ZC3H12C: variants seen among roughly 807,000 people sequenced by gnomAD.
ZC3H12C encodes probable ribonuclease ZC3H12C.
A neutral mutation model predicts 76.3 loss-of-function variants in ZC3H12C; 20 were observed. The observed-to-expected ratio is 0.26, with a 90% confidence interval of 0.18 to 0.38. The LOEUF is 0.38. Ranked by LOEUF, ZC3H12C falls within the 10% of genes least tolerant of loss-of-function variation. The pLI is 1.00. For synonymous variants in ZC3H12C, 352 were observed against 399.6 expected, an observed-to-expected ratio of 0.88 and a Z score of 1.42; for missense variants, 874 against 1,086.5, an observed-to-expected ratio of 0.80 and a Z score of 2.75.
intron 1 of ZC3H12C, among the ~76,000 whole-genome samples, chr11:110,105,102 T>C (rs17110728): frequency 0.032 from 4,932 of 152,302 alleles, 157 homozygotes; most frequent in East Asian, 0.087. Flanking sequence ...TTTATCCTTA[T>C]TCCGTGATTT....
chr11:110,111,056 G>A (rs1052918897), intron 1 of ZC3H12C, among the ~76,000 whole-genome samples: 9 of 152,122 alleles, frequency 5.9e-5, no homozygotes, highest in Non-Finnish European at 1.3e-4. Context: ...AGATCATCCC[G>A]TGCTGTGATA....
intron 1 of ZC3H12C, chr11:110,123,978 A>G (rs1230756322): frequency 6.6e-6 from 1 of 152,358 alleles, no homozygotes; most frequent in Non-Finnish European, 1.5e-5. Flanking sequence ...CTGGAGGGCA[A>G]AGCACCCAAG....
At position 110,157,680 on chromosome 11, in the gene ZC3H12C, C is replaced by T. The variant is rs563658192; in HGVS notation, c.914-1576C>T. Among the ~76,000 whole-genome samples the T allele has an allele frequency of 1.8e-4, 27 of 152,252 alleles. 1 individual carries two copies. The highest frequency in any genetic ancestry group is 6.5e-4 in the African/African-American group (27 of 41,548). ...TGAACTCCTGAGCTCAAGCAATCTG[C>T]CTGCCTCAGCCTCCCAAATGTCTGG... On this transcript the variant is annotated intron_variant, in intron 3 of 5. Coordinates refer to ENST00000278590, the MANE Select transcript of ZC3H12C (RefSeq NM_033390.2).
rs755530515 is a variant in ZC3H12C at position 110,164,667 on chromosome 11, TCTA to T, written c.1585_1587del (p.Thr529del). ...TTCCTTAGTTAGCATCCCAGCTACT[TCTA>T]CTGCAAAACCCCAAAGCACTACATC... On this transcript the variant is annotated inframe_deletion, in exon 6 of 6. Transcript: ENST00000278590. This position sits in a 1 kb window ranked among gnomAD's most constrained non-coding sequence, Gnocchi z 5.7. 3.1e-6 allele frequency: 5 copies of T among 1,613,870 alleles called. No homozygotes were observed. The South Asian group carries it at 5.5e-5, about 18-fold the overall frequency.
chr11:110,132,231 AT>A (rs67475397), intron 1 of ZC3H12C, among the ~76,000 whole-genome samples: 6,579 of 149,292 alleles, frequency 0.044, 250 homozygotes, highest in East Asian at 0.1. Context: ...TAGAAAAAAG[AT>A]TTTTTTTTTT....
At chr11:110,159,965 C>G (rs561644471) in intron 4 of ZC3H12C, among the ~76,000 whole-genome samples, 4 of 152,360 alleles carry the variant, frequency 2.6e-5, no homozygotes, top group African/African-American at 9.6e-5. Flanking sequence ...CTGGAACAGC[C>G]TACTACACGC....
In ZC3H12C at chr11:110,137,080, A is replaced by C; in HGVS notation, c.439A>C (p.Thr147Pro). The C allele has an allele frequency of 6.2e-7, 1 of 1,613,914 alleles. No individual in the cohort carries two copies. Residue 147 changes from threonine to proline, a missense_variant, in exon 2 of 6, where the codon ACT (threonine) becomes CCT (proline). Transcript: ENST00000278590. ...AGACTTTAAACCTGAAGAGTCCCAG[A>C]CTACATCCAAGGAAGCAAAGAAACC... ...LQDFKPEESQ[T>P]TSKEAKKPPD...
At chr11:110,148,148 G>A (rs1011438507) in intron 2 of ZC3H12C, among the ~76,000 whole-genome samples, 1 of 152,214 alleles carries the variant, frequency 6.6e-6, no homozygotes, top group Non-Finnish European at 1.5e-5. Context: ...TTCATTCTTT[G>A]TGGCTGCCCA....
chr11:110,145,608 G>T (rs574801771), intron 2 of ZC3H12C, among the ~76,000 whole-genome samples: 2 of 149,928 alleles, frequency 1.3e-5, no homozygotes, highest in African/African-American at 4.9e-5. Context: ...TGGGGGCGGG[G>T]GGGAGTTGCA....
intron 1 of ZC3H12C, among the ~76,000 whole-genome samples, chr11:110,101,358 T>A (rs7113826): frequency 6.6e-6 from 1 of 151,980 alleles, no homozygotes; most frequent in Non-Finnish European, 1.5e-5. Context: ...TTCTATAGAC[T>A]AAACAGCTTT....
At position 110,156,053 on chromosome 11, in the gene ZC3H12C, A is replaced by T. The variant is rs565075076; in HGVS notation, c.913+2995A>T. Among the ~76,000 whole-genome samples the T allele has an allele frequency of 2.6e-5, 4 of 152,290 alleles. No homozygotes were observed. In the East Asian group the frequency reaches 7.7e-4, roughly 29 times the overall value. On this transcript the variant is annotated intron_variant, in intron 3 of 5. Transcript: ENST00000278590. ...TTAGTTTTAAAAATACCAGCATGCCAGTCCCTGGAACACATCAGTATGCAG... is the reference window on the plus strand; with the variant it reads ...TTAGTTTTAAAAATACCAGCATGCCTGTCCCTGGAACACATCAGTATGCAG...
chr11:110,097,065 G>T (rs1591453489), intron 1 of ZC3H12C, among the ~76,000 whole-genome samples: 1 of 152,288 alleles, frequency 6.6e-6, no homozygotes, highest in East Asian at 1.9e-4. Flanking sequence ...ATATAGAGAG[G>T]TATAAAGAAT....
At chr11:110,127,908 AAAG>A (rs1391997133) in intron 1 of ZC3H12C, among the ~76,000 whole-genome samples, 4 of 105,520 alleles carry the variant, frequency 3.8e-5, no homozygotes, top group Non-Finnish European at 7.9e-5. Flanking sequence ...AAAAAAAAAA[AAAG>A]AGATTACATA....
chr11:110,104,864 T>G (rs1483698516), intron 1 of ZC3H12C, among the ~76,000 whole-genome samples: 1 of 152,242 alleles, frequency 6.6e-6, no homozygotes, highest in African/African-American at 2.4e-5. Context: ...TTGTTTTGCT[T>G]TTCTACTTAC....
At position 110,164,986 on chromosome 11, in the gene ZC3H12C, G is replaced by A; in HGVS notation, c.1901G>A (p.Cys634Tyr). ...TGCAGCAGTGAAGGGAGCATGAGCT[G>A]TGGGAGCAGTGACTCCTACGTGGGT... ...SDCSSEGSMSCGSSDSYVGYN... is the reference protein window; with the variant it reads ...SDCSSEGSMSYGSSDSYVGYN... Residue 634 changes from cysteine (C) to tyrosine (Y), a missense_variant, in exon 6 of 6, where the codon TGT becomes TAT. Coordinates refer to ENST00000278590, the MANE Select transcript of ZC3H12C (RefSeq NM_033390.2). This position sits in a 1 kb window ranked among gnomAD's most constrained non-coding sequence, Gnocchi z 5.7. 1 of 1,614,056 alleles carries A rather than the reference G, an allele frequency of 6.2e-7. No homozygotes were observed. Among genetic ancestry groups the A allele is most frequent in the Non-Finnish European group, 8.5e-7 (1 of 1,179,904 alleles).
intron 1 of ZC3H12C, among the ~76,000 whole-genome samples, chr11:110,113,003 C>CA (rs1297377834): frequency 3.4e-5 from 5 of 148,800 alleles, no homozygotes; most frequent in Admixed American, 2.0e-4. Flanking sequence ...CCCCCCCTAC[C>CA]AAAAAAAAAG....
intron 2 of ZC3H12C, among the ~76,000 whole-genome samples, chr11:110,144,175 G>A (rs1565262735): frequency 6.6e-6 from 1 of 152,120 alleles, no homozygotes; most frequent in Non-Finnish European, 1.5e-5. Flanking sequence ...TCATAGTTTA[G>A]TATTGTGAGA....
In ZC3H12C at chr11:110,125,835, TTC is replaced by T. The variant is rs200214357; in HGVS notation, c.22-10824_22-10823del. 4.9e-3 allele frequency among the ~76,000 whole-genome samples: 752 copies of T among 152,324 alleles called. 19 individuals are homozygous for T. The highest frequency in any genetic ancestry group is 0.046 in the Admixed American group (710 of 15,300). On this transcript the variant is annotated intron_variant, in intron 1 of 5. Transcript: ENST00000278590. ...CATGACTTCAGCTGTGCTCATCAGA[TTC>T]TCTGTCTCAGGAATTTGAACCTTGA...
chr11:110,158,789 A>G (rs1299602529), intron 3 of ZC3H12C, among the ~76,000 whole-genome samples: 2 of 152,302 alleles, frequency 1.3e-5, no homozygotes, highest in Admixed American at 1.3e-4. Context: ...ACTTCCTTTC[A>G]TACTCTCCCA....
Sources: allele counts gnomAD v4.1 joint callset (sites outside exome capture counted in the v4.1 genomes callset), GRCh38; gene constraint gnomAD v4.1.1; non-coding constraint Gnocchi (gnomAD v3.1); transcripts MANE v1.5; gene names NCBI Gene and HGNC (gene_info 2026-07-23, HGNC 2026-07-21).